The following TMLHE variants were observed in gnomAD, a reference collection of about 807,000 sequenced individuals.
The protein encoded by TMLHE is trimethyllysine dioxygenase, mitochondrial.
In TMLHE, 18 loss-of-function variants were observed where a neutral mutation model predicts 25.7. The observed-to-expected ratio is 0.70, with a 90% CI of 0.48 to 1.04. The LOEUF (loss-of-function observed/expected upper bound fraction) is 1.04, where lower values mean the gene tolerates loss of function less well. TMLHE is among the 50% of genes least tolerant of loss of function. The pLI, the probability that TMLHE is intolerant of heterozygous loss-of-function variation, is 0.00. For synonymous variants in TMLHE, 105 were observed against 97.0 expected, an observed-to-expected ratio of 1.08 and a Z score of -0.49; for missense variants, 236 against 259.0, an observed-to-expected ratio of 0.91 and a Z score of 0.61.
chrX:155,588,378 C>T, intron 1 of TMLHE, among the ~76,000 whole-genome samples: 1 of 111,852 alleles, frequency 8.9e-6, no homozygotes, highest in South Asian at 3.7e-4. Flanking sequence ...TTAAGCATGA[C>T]CCAAACCGTT....
intron 1 of TMLHE, among the ~76,000 whole-genome samples, chrX:155,550,381 T>A (rs1557339869): frequency 9.0e-6 from 1 of 111,264 alleles, no homozygotes; most frequent in Non-Finnish European, 1.9e-5. Flanking sequence ...CTTTCTATAA[T>A]GTTTTGTACT....
rs868991949 is a variant in TMLHE at position 155,573,043 on chromosome X, A to G, written c.-1-27766T>C. Among the ~76,000 whole-genome samples, 5 of 57,551 alleles carry G rather than the reference A, an allele frequency of 8.7e-5. 1 individual carries two copies. Among genetic ancestry groups the G allele is most frequent in the Non-Finnish European group, 2.3e-4 (5 of 21,957 alleles). The allele number at this position is 57,551 out of a possible 115,157, so 50.0% of individuals were successfully genotyped here. On this transcript the variant is annotated intron_variant, in intron 1 of 7. Transcript: ENST00000334398. Reference sequence around the variant, plus strand: ...AAGAAACTACCATCAGAGTGAACAGACAACCTACAAAATGGGAGAAAATTC... The same window carrying G: ...AAGAAACTACCATCAGAGTGAACAGGCAACCTACAAAATGGGAGAAAATTC...
intron 1 of TMLHE, among the ~76,000 whole-genome samples, chrX:155,546,382 A>G (rs1223087616): frequency 1.8e-5 from 2 of 111,539 alleles, no homozygotes; most frequent in Non-Finnish European, 3.8e-5. Context: ...CCTGTGGCAG[A>G]AGACTGAGAG....
rs181311949 is a variant in TMLHE, at chrX:155,554,404, C to T, written c.-1-9127G>A. On this transcript the variant is annotated intron_variant, in intron 1 of 7. Coordinates refer to ENST00000334398, the MANE Select transcript of TMLHE (RefSeq NM_018196.4). The stretch of plus-strand genomic sequence containing the variant: ...TTAAAAGGCTGGATATAGAATTTAC[C>T]AGATAAAATTTTAGGTTGACAGTTA... 2.5e-3 allele frequency among the ~76,000 whole-genome samples: 279 copies of T among 110,567 alleles called. 4 individuals are homozygous for T. The highest frequency in any genetic ancestry group is 9.0e-3 in the African/African-American group (273 of 30,187).
chrX:155,594,669 T>C (rs2067711508), intron 1 of TMLHE, among the ~76,000 whole-genome samples: 1 of 112,191 alleles, frequency 8.9e-6, no homozygotes, highest in African/African-American at 3.2e-5. Context: ...ATAATTAAAA[T>C]AAATTATCAA....
intron 4 of TMLHE, 31 bp downstream of exon 4, chrX:155,513,955 T>C (rs781878489): frequency 1.7e-6 from 2 of 1,176,618 alleles, no homozygotes; most frequent in South Asian, 3.7e-5. Context: ...TTAATTATAA[T>C]ACTGTGGATT....
At chrX:155,552,585 A>G (rs1429742978) in intron 1 of TMLHE, among the ~76,000 whole-genome samples, 1 of 109,774 alleles carries the variant, frequency 9.1e-6, no homozygotes, top group East Asian at 2.8e-4. Flanking sequence ...AATATTGGTT[A>G]TTTATGCTTT....
At chrX:155,536,661 A>C (rs782187059) in intron 2 of TMLHE, among the ~76,000 whole-genome samples, 4 of 112,106 alleles carry the variant, frequency 3.6e-5, no homozygotes, top group Non-Finnish European at 7.5e-5. Context: ...TCTCCTTCAA[A>C]ATATAGCTAA....
intron 1 of TMLHE, 63 bp from the exon 2 acceptor site, chrX:155,545,340 A>G: frequency 1.2e-6 from 1 of 842,758 alleles, no homozygotes; most frequent in Non-Finnish European, 1.7e-6. Flanking sequence ...GGCTATAGGA[A>G]TAACACTACA....
chrX:155,505,042 G>A (rs781811580), intron 6 of TMLHE, among the ~76,000 whole-genome samples: 4 of 111,711 alleles, frequency 3.6e-5, no homozygotes, highest in Admixed American at 9.5e-5. Context: ...AAAGCTGTAA[G>A]CAAATATTGA....
At chrX:155,535,448 C>G (rs2067273115) in intron 2 of TMLHE, among the ~76,000 whole-genome samples, 1 of 111,723 alleles carries the variant, frequency 9.0e-6, no homozygotes, top group African/African-American at 3.3e-5. Flanking sequence ...AATGTGCTCT[C>G]TCTTATAATG....
intron 2 of TMLHE, among the ~76,000 whole-genome samples, chrX:155,534,993 C>T (rs2067270083): frequency 8.9e-6 from 1 of 111,734 alleles, no homozygotes; most frequent in Non-Finnish European, 1.9e-5. Flanking sequence ...ATCTCTCCAC[C>T]ATGTGAAGAT....
chrX:155,579,520 C>T (rs1603082280), intron 1 of TMLHE, among the ~76,000 whole-genome samples: 1 of 111,609 alleles, frequency 9.0e-6, no homozygotes, highest in Non-Finnish European at 1.9e-5. Context: ...CTTTATTTTT[C>T]TTTTTCAACT....
At chrX:155,554,150 G>A (rs1221450087) in intron 1 of TMLHE, among the ~76,000 whole-genome samples, 1 of 109,975 alleles carries the variant, frequency 9.1e-6, no homozygotes, top group Non-Finnish European at 1.9e-5. Context: ...CTACAGGCAT[G>A]CACTACCTTG....
intron 2 of TMLHE, among the ~76,000 whole-genome samples, chrX:155,527,210 G>T (rs2124376047): frequency 8.9e-6 from 1 of 112,040 alleles, no homozygotes; most frequent in African/African-American, 3.2e-5. Flanking sequence ...GGGACCTGGT[G>T]GGAGGTGATT....
chrX:155,594,660 T>G (rs2067711490), intron 1 of TMLHE, among the ~76,000 whole-genome samples: 1 of 112,295 alleles, frequency 8.9e-6, no homozygotes, highest in South Asian at 3.6e-4. Context: ...AAAATAACTA[T>G]AATTAAAATA....
At chrX:155,513,352 A>G (rs1052572373) in intron 4 of TMLHE, among the ~76,000 whole-genome samples, 2 of 111,760 alleles carry the variant, frequency 1.8e-5, no homozygotes, top group African/African-American at 6.5e-5. Context: ...ATTGTTTACT[A>G]GTAGAGCACT....
chrX:155,598,286 A>G (rs367581285), intron 1 of TMLHE, among the ~76,000 whole-genome samples: 2 of 110,943 alleles, frequency 1.8e-5, no homozygotes, highest in East Asian at 5.7e-4. Flanking sequence ...ACAATAGCAA[A>G]GAGTTGGAAC....
At chrX:155,551,760 G>A (rs1397195844) in intron 1 of TMLHE, among the ~76,000 whole-genome samples, 5 of 109,735 alleles carry the variant, frequency 4.6e-5, no homozygotes, top group African/African-American at 3.4e-5. Context: ...CCAGTATCTG[G>A]GTTATCTGTG....
Sources: gnomAD v4.1 joint callset for allele counts (sites outside exome capture counted in the v4.1 genomes callset) on GRCh38, gnomAD v4.1.1 for gene constraint, MANE v1.5 for transcripts, NCBI Gene and HGNC (gene_info 2026-07-23, HGNC 2026-07-21) for gene names.